Variants in PPP2R2D observed in about 807,000 individuals in gnomAD.
The protein encoded by PPP2R2D is protein phosphatase 2 regulatory subunit Bdelta, also known as serine/threonine-protein phosphatase 2A 55 kDa regulatory subunit B delta isoform.
A neutral mutation model predicts 31.1 loss-of-function variants in PPP2R2D; 9 were observed. That is an observed-to-expected ratio of 0.29 (90% confidence interval 0.17 to 0.51). The LOEUF (loss-of-function observed/expected upper bound fraction) is 0.51. Ranked by LOEUF, PPP2R2D falls within the 20% of genes least tolerant of loss-of-function variation. PPP2R2D has a pLI of 0.98. For synonymous variants in PPP2R2D, 179 were observed against 172.6 expected (o/e 1.04, Z -0.29); for missense variants, 391 against 465.6 (o/e 0.84, Z 1.48).
intron 8 of PPP2R2D, among the ~76,000 whole-genome samples, chr10:131,951,176 TG>T (rs1325120265): frequency 6.6e-6 from 1 of 152,228 alleles, no homozygotes; most frequent in Non-Finnish European, 1.5e-5. Flanking sequence ...GATGATGGTT[TG>T]GGGGAGAGGG....
intron 2 of PPP2R2D, among the ~76,000 whole-genome samples, chr10:131,901,913 A>G (rs1413926748): frequency 1.3e-5 from 2 of 152,210 alleles, no homozygotes; most frequent in African/African-American, 2.4e-5. Flanking sequence ...AGGTACTGCT[A>G]CTTTCTCTAC....
At chr10:131,948,860 TCTCC>T (rs782012148) in intron 8 of PPP2R2D, among the ~76,000 whole-genome samples, 2 of 152,172 alleles carry the variant, frequency 1.3e-5, no homozygotes, top group Admixed American at 1.3e-4. Context: ...GAAGATGGTG[TCTCC>T]CTCCACTGGC....
intron 8 of PPP2R2D, among the ~76,000 whole-genome samples, chr10:131,954,289 G>A (rs782652364): frequency 2.0e-5 from 3 of 152,186 alleles, no homozygotes; most frequent in Non-Finnish European, 2.9e-5. Flanking sequence ...AGTCAGTGTC[G>A]GCCATACATC....
In PPP2R2D at chr10:131,947,850, G is replaced by T. The variant is rs2036570207; in HGVS notation, c.1082+59G>T. On this transcript the variant is annotated intron_variant, in intron 8 of 8. Transcript: ENST00000455566. The surrounding 1 kb of genome is among the most constrained non-coding windows in gnomAD (Gnocchi z 4.3). Reference sequence around the variant, plus strand: ...AGCTTGCTGGTTTCCGAGAGTGCAAGGTCAGTGAGGGAGGCGAGCTGTCCT... The same window carrying T: ...AGCTTGCTGGTTTCCGAGAGTGCAATGTCAGTGAGGGAGGCGAGCTGTCCT... The T allele has an allele frequency of 6.3e-7, 1 of 1,584,508 alleles. No homozygotes were observed. Among genetic ancestry groups the T allele is most frequent in the Non-Finnish European group, 8.6e-7 (1 of 1,161,132 alleles).
chr10:131,922,625 T>C (rs1554894396), intron 2 of PPP2R2D, among the ~76,000 whole-genome samples: 2 of 152,016 alleles, frequency 1.3e-5, no homozygotes, highest in African/African-American at 4.8e-5. Context: ...GATAATTTTT[T>C]ATATTTTTAG....
chr10:131,956,283 C>G lies in PPP2R2D; in HGVS notation c.*320C>G. ...TCCAATTTATAGACCAAAAAATTAA[C>G]ATCCAAGAGAAAAGTTATTGTCAGA... On this transcript the variant is annotated 3_prime_UTR_variant, in exon 9 of 9. Coordinates refer to ENST00000455566, the MANE Select transcript of PPP2R2D (RefSeq NM_018461.5). 1 of 1,047,018 alleles carries G rather than the reference C, an allele frequency of 9.6e-7. No individual in the cohort carries two copies. Among genetic ancestry groups the G allele is most frequent in the South Asian group, 4.6e-5 (1 of 21,842 alleles). The allele number at this position is 1,047,018 out of a possible 1,614,324, so 64.9% of individuals were successfully genotyped here.
chr10:131,960,270 C>G (rs782748598), downstream of PPP2R2D, among the ~76,000 whole-genome samples: 1 of 152,228 alleles, frequency 6.6e-6, no homozygotes, highest in Non-Finnish European at 1.5e-5. Context: ...TAAAGTAGAA[C>G]AGTGTCATCA....
intron 2 of PPP2R2D, among the ~76,000 whole-genome samples, chr10:131,908,726 G>T (rs942786318): frequency 3.3e-5 from 5 of 152,186 alleles, no homozygotes; most frequent in African/African-American, 4.8e-5. Flanking sequence ...AAAATGTATG[G>T]AAAGCTCTGA....
chr10:131,961,090 G>A (rs1482368597), downstream of PPP2R2D, among the ~76,000 whole-genome samples: 1 of 152,192 alleles, frequency 6.6e-6, no homozygotes, highest in African/African-American at 2.4e-5. Context: ...CAGGTGGGGA[G>A]ACAATGCAGC....
intron 2 of PPP2R2D, among the ~76,000 whole-genome samples, chr10:131,906,524 G>C (rs1351775805): frequency 6.6e-6 from 1 of 152,158 alleles, no homozygotes; most frequent in Non-Finnish European, 1.5e-5. Context: ...GCCTTTCCAA[G>C]GGAGTTTACA....
chr10:131,922,818 A>T (rs2036019358), intron 2 of PPP2R2D, among the ~76,000 whole-genome samples: 1 of 152,320 alleles, frequency 6.6e-6, no homozygotes, highest in African/African-American at 2.4e-5. Context: ...TTTAGGTTTA[A>T]ATAGGAAAAT....
At position 131,945,694 on chromosome 10, in the gene PPP2R2D, C is replaced by A; in HGVS notation, c.820+235C>A. 1 of 480,864 alleles carries A rather than the reference C, an allele frequency of 2.1e-6. No homozygotes were observed. Among genetic ancestry groups the A allele is most frequent in the Non-Finnish European group, 3.7e-6 (1 of 272,910 alleles). The allele number at this position is 480,864 out of a possible 1,614,324, so 29.8% of individuals were successfully genotyped here. ...AGACTGGTCTGACCTCAGGTGATCC[C>A]CCTACCTCGGCCTCCCAAAGTGCTG... On this transcript the variant is annotated intron_variant, in intron 7 of 8. Transcript: ENST00000455566. The surrounding 1 kb of genome is among the most constrained non-coding windows in gnomAD (Gnocchi z 4.8).
At chr10:131,965,898 C>A in the PPP2R2D span, among the ~76,000 whole-genome samples, 325 of 152,328 alleles carry the variant, frequency 2.1e-3, no homozygotes, top group African/African-American at 7.6e-3. Context: ...CCCCTTGGTG[C>A]ATGAGTGGCA....
chr10:131,961,622 G>C (rs2036920909), downstream of PPP2R2D, among the ~76,000 whole-genome samples: 1 of 152,210 alleles, frequency 6.6e-6, no homozygotes. Flanking sequence ...AGGACACCCA[G>C]GGCTCCTTGA....
chr10:131,969,808 C>G, the PPP2R2D span: 11 of 152,290 alleles, frequency 7.2e-5, no homozygotes, highest in Admixed American at 6.5e-4. Context: ...CGCTCTGGCT[C>G]TTCACCACCG....
intron 2 of PPP2R2D, among the ~76,000 whole-genome samples, chr10:131,933,941 A>G (rs2036290485): frequency 6.6e-6 from 1 of 152,176 alleles, no homozygotes; most frequent in African/African-American, 2.4e-5. Context: ...TGGTAACTGT[A>G]TCCAGACAAT....
Position 131,947,367 on chromosome 10 carries a change from A to G in PPP2R2D, c.821-163A>G, listed in dbSNP as rs1554898116. Among the ~76,000 whole-genome samples, 2 of 152,204 alleles carry G rather than the reference A, an allele frequency of 1.3e-5. No individual in the cohort carries two copies. The highest frequency in any genetic ancestry group is 3.9e-4 in the East Asian group (2 of 5,190). ...CGAAGCTCTTGCCCACGGAAGTCAC[A>G]GAAGATCAGAAAACCTAGAGAATCA... On this transcript the variant is annotated intron_variant, in intron 7 of 8. Coordinates refer to ENST00000455566, the MANE Select transcript of PPP2R2D (RefSeq NM_018461.5). The surrounding 1 kb of genome is among the most constrained non-coding windows in gnomAD (Gnocchi z 4.3).
At chr10:131,938,966 C>T (rs988736397) in intron 3 of PPP2R2D, among the ~76,000 whole-genome samples, 4 of 152,236 alleles carry the variant, frequency 2.6e-5, no homozygotes, top group Admixed American at 2.0e-4. Context: ...ATAGCTCATG[C>T]GGCCTTTTCA....
chr10:131,923,459 A>G (rs2036033348), intron 2 of PPP2R2D, among the ~76,000 whole-genome samples: 2 of 152,166 alleles, frequency 1.3e-5, no homozygotes, highest in Admixed American at 6.5e-5. Flanking sequence ...GCTCTTGGGT[A>G]TATTCCTGGG....
Sources: allele counts gnomAD v4.1 joint callset (sites outside exome capture counted in the v4.1 genomes callset), GRCh38; gene constraint gnomAD v4.1.1; non-coding constraint Gnocchi (gnomAD v3.1); transcripts MANE v1.5; gene names NCBI Gene and HGNC (gene_info 2026-07-23, HGNC 2026-07-21).